The following TBATA variants were observed in gnomAD, a reference collection of about 807,000 sequenced individuals.
TBATA encodes thymus, brain and testes associated.
Under a neutral mutation model 38.7 loss-of-function variants are expected in TBATA, and 47 were observed. The ratio of observed to expected loss-of-function variants is 1.21; its 90% CI spans 0.96 to 1.55. The LOEUF is 1.55. Among genes scored for constraint, TBATA ranks in the 40% most tolerant of loss-of-function variants. The probability of loss-of-function intolerance (pLI) is 0.00; values close to 1 mark genes in which losing one functional copy is unlikely to be tolerated. For synonymous variants in TBATA, 183 were observed against 170.5 expected, an observed-to-expected ratio of 1.07 and a Z score of -0.57; for missense variants, 436 against 435.6, an observed-to-expected ratio of 1.00 and a Z score of -0.01.
chr10:70,771,754 T>C (rs182087041), intron 10 of TBATA, among the ~76,000 whole-genome samples: 2 of 152,244 alleles, frequency 1.3e-5, no homozygotes, highest in African/African-American at 4.8e-5. Context: ...ATAATATACA[T>C]TGAGGATGTG....
rs1163640500 is a variant in TBATA at position 70,771,334 on chromosome 10, G to A, written c.*42C>T. The A allele has an allele frequency of 2.5e-6, 4 of 1,614,028 alleles. No individual in the cohort carries two copies. The East Asian group carries it at 6.7e-5, about 27-fold the overall frequency. ...GAGACAGAAACACCCCTGAACCCTT[G>A]GGGCTGCTCTTGAGCAAGGCAGGTG... On this transcript the variant is annotated 3_prime_UTR_variant, in exon 11 of 11. Coordinates refer to ENST00000456372, the MANE Select transcript of TBATA (RefSeq NM_001318241.2).
Position 70,777,119 on chromosome 10 carries a change from AG to A in TBATA, c.693+33del. 1.9e-6 allele frequency: 3 copies of A among 1,601,904 alleles called. No homozygotes were observed. In the African/African-American group the frequency reaches 4.0e-5, roughly 21 times the overall value. The stretch of plus-strand genomic sequence containing the variant: ...GGTTTGTAAGACCCCTAATGTGGAG[AG>A]CCAGGAGCCTGGGAGCAGAACTGGG... On this transcript the variant is annotated intron_variant, in intron 7 of 10. Transcript: ENST00000456372.
Position 70,777,190 on chromosome 10 carries a change from C to G in TBATA, c.656G>C (p.Gly219Ala). ...ATCCTGAAGGAGGAAAGCCTGGACT[C>G]CTTCATGTCTGCTGGAAGACTGACT... ...QQSQSSSRHE[G>A]VQAFLLQDQE... Residue 219 changes from glycine (G) to alanine (A), a missense_variant, in exon 7 of 11, where the codon GGA becomes GCA. Transcript: ENST00000456372. 6.2e-7 allele frequency: 1 copy of G among 1,613,360 alleles called. No homozygotes were observed. Among genetic ancestry groups the G allele is most frequent in the Non-Finnish European group, 8.5e-7 (1 of 1,179,946 alleles).
chr10:70,778,440 T>A, intron 6 of TBATA, 117 bp downstream of exon 6: 1 of 998,920 alleles, frequency 1.0e-6, no homozygotes. Context: ...GACGTTTGTA[T>A]GAATCAGTCC....
At chr10:70,780,843 A>C (rs2486836) in intron 4 of TBATA, among the ~76,000 whole-genome samples, 78 of 152,186 alleles carry the variant, frequency 5.1e-4, no homozygotes, top group African/African-American at 1.9e-3. Flanking sequence ...ATCAATCGCC[A>C]AGTCCTACTG....
At position 70,783,323 on chromosome 10, in the gene TBATA, G is replaced by A; in HGVS notation, c.41+16C>T. The A allele has an allele frequency of 6.2e-7, 1 of 1,614,124 alleles. No homozygotes were observed. Among genetic ancestry groups the A allele is most frequent in the Middle Eastern group, 1.6e-4 (1 of 6,062 alleles). ...AAGCCCTCCTCAGTCAGCAGGGTGG[G>A]CATTTGGAGCCTCACCTCATCAGTG... is the stretch of plus-strand genomic sequence containing the variant. On this transcript the variant is annotated intron_variant, in intron 3 of 10. Transcript: ENST00000456372.
At chr10:70,781,673 T>G in intron 4 of TBATA, 128 bp downstream of exon 4, 1 of 918,204 alleles carries the variant, frequency 1.1e-6, no homozygotes, top group Non-Finnish European at 1.7e-6. Context: ...TTGGCAGCCC[T>G]GGGATCCTGG....
chr10:70,778,974 A>T (rs1200249391), intron 5 of TBATA, among the ~76,000 whole-genome samples: 1 of 152,212 alleles, frequency 6.6e-6, no homozygotes, highest in Non-Finnish European at 1.5e-5. Context: ...TGCCTCTTTT[A>T]GGTCCCTGAG....
At chr10:70,778,709 G>T in intron 5 of TBATA, 73 bp from the exon 6 acceptor site, 1 of 1,340,060 alleles carries the variant, frequency 7.5e-7, no homozygotes, top group South Asian at 1.2e-5. Context: ...ACCAGGCCTT[G>T]GTAGAGGAGT....
chr10:70,782,089 C>T, intron 3 of TBATA, 53 bp from the exon 4 acceptor site: 3 of 1,571,458 alleles, frequency 1.9e-6, no homozygotes, highest in South Asian at 1.1e-5. Flanking sequence ...GGCAGTGGGC[C>T]CACCTGGGCT....
rs1333907207 is a variant in TBATA at position 70,775,285 on chromosome 10, C to T, written c.694-15G>A. The T allele has an allele frequency of 6.2e-7, 1 of 1,606,902 alleles. No homozygotes were observed. Among genetic ancestry groups the T allele is most frequent in the African/African-American group, 1.3e-5 (1 of 74,784 alleles). ...AGCTCCAGGACCTGTGGGCAGGAGG[C>T]CAGCACATTCCAGCCAGGAGTACAG... On this transcript the variant is annotated splice_polypyrimidine_tract_variant and intron_variant, in intron 7 of 10. Coordinates refer to ENST00000456372, the MANE Select transcript of TBATA (RefSeq NM_001318241.2).
intron 9 of TBATA, 87 bp from the exon 10 acceptor site, chr10:70,772,653 G>A: frequency 7.4e-7 from 1 of 1,350,500 alleles, no homozygotes; most frequent in Non-Finnish European, 1.1e-6. Flanking sequence ...AGGTGGGGAA[G>A]GTGGTGCAGG....
Position 70,778,651 on chromosome 10 carries a change from CAAGGTCCTGCCAACTG to C in TBATA, c.428-31_428-16del, listed in dbSNP as rs758968089. The C allele has an allele frequency of 1.9e-6, 3 of 1,613,714 alleles. No individual in the cohort carries two copies. The highest frequency in any genetic ancestry group is 2.7e-5 in the African/African-American group (2 of 75,038). ...CTTCCAGGCTTCTGGGAGGAGGGGA[CAAGGTCCTGCCAACTG>C]AAGTCAGGGGCCCTCCTCCCCTCCC... On this transcript the variant is annotated splice_polypyrimidine_tract_variant and intron_variant, in intron 5 of 10. Transcript: ENST00000456372.
At chr10:70,776,746 G>A (rs1298890003) in intron 7 of TBATA, among the ~76,000 whole-genome samples, 1 of 152,184 alleles carries the variant, frequency 6.6e-6, no homozygotes, top group Non-Finnish European at 1.5e-5. Flanking sequence ...GCTCACTGAA[G>A]CACAAGCCAG....
At chr10:70,780,289 T>A (rs1002726726) in intron 4 of TBATA, among the ~76,000 whole-genome samples, 8 of 152,010 alleles carry the variant, frequency 5.3e-5, no homozygotes, top group Non-Finnish European at 7.4e-5. Flanking sequence ...CCCTTCTGGC[T>A]AACCCTGGGT....
rs1481702486 is a variant in TBATA, at chr10:70,777,197, G to A, written c.649C>T (p.His217Tyr). ...AGGAGGAAAGCCTGGACTCCTTCATGTCTGCTGGAAGACTGACTCTGCTGG... is the reference window on the plus strand; with the variant it reads ...AGGAGGAAAGCCTGGACTCCTTCATATCTGCTGGAAGACTGACTCTGCTGG... ...QGQQSQSSSRHEGVQAFLLQD... is the reference protein window; with the variant it reads ...QGQQSQSSSRYEGVQAFLLQD... Residue 217 changes from histidine (H) to tyrosine (Y), a missense_variant, in exon 7 of 11, where the codon CAT becomes TAT. By Grantham distance (83) the His-to-Tyr change is moderately conservative. Coordinates refer to ENST00000456372, the MANE Select transcript of TBATA (RefSeq NM_001318241.2). The A allele has an allele frequency of 1.2e-6, 2 of 1,613,318 alleles. No homozygotes were observed. The highest frequency in any genetic ancestry group is 1.3e-5 in the African/African-American group (1 of 74,916).
chr10:70,772,595 G>T (rs1433306457), intron 9 of TBATA, 29 bp from the exon 10 acceptor site: 9 of 1,613,796 alleles, frequency 5.6e-6, no homozygotes, highest in African/African-American at 2.7e-5. Flanking sequence ...AAGGGGCTGG[G>T]AAGGTCATGC....
chr10:70,774,234 T>C lies in TBATA; in HGVS notation c.899A>G (p.Glu300Gly). 6.2e-7 allele frequency: 1 copy of C among 1,612,356 alleles called. No individual in the cohort carries two copies. Residue 300 changes from glutamate (E) to glycine (G), a missense_variant, in exon 9 of 11, where the codon GAG becomes GGG. Transcript: ENST00000456372. ...CCACCTGCAGGGTGGCTCTTGCTTCTCTTGAGGAGGTTCATGCACTTCTGG... is the reference window on the plus strand; with the variant it reads ...CCACCTGCAGGGTGGCTCTTGCTTCCCTTGAGGAGGTTCATGCACTTCTGG... The part of the protein sequence containing the change: ...QLPEVHEPPQ[E>G]KQEPPCSQSP...
rs1239396289 is a variant in TBATA at position 70,774,305 on chromosome 10, G to A, written c.828C>T (p.Pro276=). 1 of 1,608,276 alleles carries A rather than the reference G, an allele frequency of 6.2e-7. No individual in the cohort carries two copies. Among genetic ancestry groups the A allele is most frequent in the Non-Finnish European group, 8.5e-7 (1 of 1,178,094 alleles). Residue 276 remains proline (P), a synonymous_variant, in exon 9 of 11, where the codon CCC becomes CCT. Coordinates refer to ENST00000456372, the MANE Select transcript of TBATA (RefSeq NM_001318241.2). ...LLQTAVAQLL[P]QPLVSIPTEK... ...CTGTAGGGATGGAGACTAGGGGCTG[G>A]GGAAGGAGCTGAGCCACTGCTGTCT...
Sources: allele counts gnomAD v4.1 joint callset (sites outside exome capture counted in the v4.1 genomes callset), GRCh38; gene constraint gnomAD v4.1.1; transcripts MANE v1.5; gene names NCBI Gene and HGNC (gene_info 2026-07-23, HGNC 2026-07-21).